Variants in NTM observed in about 807,000 individuals in gnomAD.
The protein encoded by NTM is IgLON family member 2.
NTM carries 13 observed loss-of-function variants against 42.1 expected under a neutral mutation model. The ratio of observed to expected loss-of-function variants is 0.31; its 90% CI spans 0.20 to 0.49. The LOEUF is 0.49. Among genes scored for constraint, NTM ranks in the 20% least tolerant of loss-of-function variants. The pLI, the probability that NTM is intolerant of heterozygous loss-of-function variation, is 0.99. For synonymous variants in NTM, 187 were observed against 179.2 expected (o/e 1.04, Z -0.35); for missense variants, 373 against 452.8 (o/e 0.82, Z 1.60).
intron 1 of NTM, among the ~76,000 whole-genome samples, chr11:131,733,057 A>G (rs1258717024): frequency 6.6e-6 from 1 of 152,198 alleles, no homozygotes; most frequent in Non-Finnish European, 1.5e-5. Context: ...GATCATTAAG[A>G]TAATTTCAGA....
chr11:132,200,267 C>T (rs938313301), intron 3 of NTM, among the ~76,000 whole-genome samples: 1 of 152,164 alleles, frequency 6.6e-6, no homozygotes, highest in African/African-American at 2.4e-5. Context: ...ATGTGTCTTC[C>T]TCGCAGCTGC....
At chr11:131,794,985 T>A in intron 1 of NTM, 1 of 985,340 alleles carries the variant, frequency 1.0e-6, no homozygotes, top group Non-Finnish European at 1.2e-6. Flanking sequence ...AGGGGCAGCC[T>A]TGGGCAGGCT....
intron 2 of NTM, among the ~76,000 whole-genome samples, chr11:132,058,730 G>T (rs560552727): frequency 6.6e-6 from 1 of 152,288 alleles, no homozygotes; most frequent in African/African-American, 2.4e-5. Context: ...TGCCTTCTTC[G>T]CTGAGTCTGA....
Position 132,146,946 on chromosome 11 carries a change from C to T in NTM, c.400+432C>T, listed in dbSNP as rs1262078399. On this transcript the variant is annotated intron_variant, in intron 3 of 8. Coordinates refer to ENST00000683400, the MANE Select transcript of NTM (RefSeq NM_001352005.2). This position sits in a 1 kb window ranked among gnomAD's most constrained non-coding sequence, Gnocchi z 4.5. ...TGCCATGTCCCCCTCCAGCCTTGAACGAAAGCAGAGCCAACCAGGATGCAC... is the reference window on the plus strand; with the variant it reads ...TGCCATGTCCCCCTCCAGCCTTGAATGAAAGCAGAGCCAACCAGGATGCAC... The T allele has an allele frequency of 3.3e-5, 6 of 181,436 alleles. No homozygotes were observed. The highest frequency in any genetic ancestry group is 1.7e-4 in the East Asian group (1 of 6,014). The allele number at this position is 181,436 out of a possible 1,614,324, so 11.2% of individuals were successfully genotyped here.
At chr11:131,494,297 A>G (rs1258159608) in intron 1 of NTM, among the ~76,000 whole-genome samples, 3 of 152,122 alleles carry the variant, frequency 2.0e-5, no homozygotes, top group African/African-American at 7.2e-5. Flanking sequence ...CCCAGGAGCT[A>G]TGATCAGGTT....
chr11:132,289,011 C>A (rs2094356939), intron 4 of NTM, among the ~76,000 whole-genome samples: 1 of 152,198 alleles, frequency 6.6e-6, no homozygotes, highest in Non-Finnish European at 1.5e-5. Flanking sequence ...ACCTAAAACT[C>A]AGTCCTAGTT....
At chr11:131,465,321 T>C (rs1473362617) in intron 1 of NTM, among the ~76,000 whole-genome samples, 1 of 152,166 alleles carries the variant, frequency 6.6e-6, no homozygotes, top group Non-Finnish European at 1.5e-5. Flanking sequence ...ACACGTACCA[T>C]AGCCCATTGC....
intron 1 of NTM, among the ~76,000 whole-genome samples, chr11:131,561,776 T>G (rs1389738529): frequency 1.3e-5 from 2 of 152,200 alleles, no homozygotes; most frequent in Non-Finnish European, 2.9e-5. Flanking sequence ...GCCTCATTCC[T>G]TCGGCCTTCA....
At chr11:131,789,786 C>G (rs1380324150) in intron 1 of NTM, among the ~76,000 whole-genome samples, 11 of 110,668 alleles carry the variant, frequency 9.9e-5, no homozygotes, top group Admixed American at 5.0e-4. Context: ...GAAACCCCGT[C>G]TCTACTAAAA....
intron 4 of NTM, among the ~76,000 whole-genome samples, chr11:132,233,837 C>G (rs954339584): frequency 2.0e-5 from 3 of 152,184 alleles, no homozygotes; most frequent in Non-Finnish European, 4.4e-5. Context: ...TTTTTGTTGC[C>G]TTTCCTCAGC....
intron 1 of NTM, among the ~76,000 whole-genome samples, chr11:131,419,660 A>G (rs1947304962): frequency 6.6e-6 from 1 of 152,102 alleles, no homozygotes; most frequent in Admixed American, 6.5e-5. Flanking sequence ...GACAGAAGCC[A>G]CATCATGTAG....
intron 4 of NTM, among the ~76,000 whole-genome samples, chr11:132,273,717 G>T (rs1416723178): frequency 1.3e-5 from 2 of 152,110 alleles, no homozygotes; most frequent in Non-Finnish European, 2.9e-5. Context: ...AACCAGCCTG[G>T]CCAACATGGT....
intron 1 of NTM, among the ~76,000 whole-genome samples, chr11:131,565,813 C>T (rs1253793401): frequency 6.6e-6 from 1 of 152,150 alleles, no homozygotes; most frequent in East Asian, 1.9e-4. Context: ...CATCTAGAGC[C>T]CCCATGTCCT....
chr11:131,702,440 G>T (rs2135189901), intron 1 of NTM, among the ~76,000 whole-genome samples: 1 of 152,232 alleles, frequency 6.6e-6, no homozygotes, highest in South Asian at 2.1e-4. Flanking sequence ...ATAACATACA[G>T]ATTTGGAGAG....
At chr11:131,651,202 C>G (rs1402751702) in intron 1 of NTM, among the ~76,000 whole-genome samples, 1 of 152,210 alleles carries the variant, frequency 6.6e-6, no homozygotes, top group Non-Finnish European at 1.5e-5. Flanking sequence ...TTGACAGATA[C>G]TGTGTAGGTG....
chr11:132,136,187 C>T (rs1299588986), intron 2 of NTM, among the ~76,000 whole-genome samples: 2 of 152,140 alleles, frequency 1.3e-5, no homozygotes, highest in African/African-American at 4.8e-5. Context: ...TGGTCCTGCT[C>T]TCCTGTCCCA....
rs907335185 is a variant in NTM at position 131,787,363 on chromosome 11, T to TATA, written c.83-124199_83-124198insAAT. ...TATTAACATAATACAAGATTATTAT[T>TATA]ATTATTATTATTATTATTTTATTTT... On this transcript the variant is annotated intron_variant, in intron 1 of 8. Coordinates refer to ENST00000683400, the MANE Select transcript of NTM (RefSeq NM_001352005.2). 4.9e-4 allele frequency among the ~76,000 whole-genome samples: 72 copies of TATA among 147,564 alleles called. 1 individual carries two copies. The highest frequency in any genetic ancestry group is 1.4e-3 in the Admixed American group (21 of 14,764).
chr11:131,930,001 A>G (rs934926830), intron 2 of NTM, among the ~76,000 whole-genome samples: 2 of 152,226 alleles, frequency 1.3e-5, no homozygotes, highest in South Asian at 2.1e-4. Flanking sequence ...AAAAAAGTAT[A>G]TAATTACTGT....
At chr11:131,473,256 G>T (rs928014379) in intron 1 of NTM, among the ~76,000 whole-genome samples, 2 of 152,096 alleles carry the variant, frequency 1.3e-5, no homozygotes, top group African/African-American at 4.8e-5. Flanking sequence ...CCCAAGGCAG[G>T]CAGGGGTACC....
Sources: allele counts gnomAD v4.1 joint callset (sites outside exome capture counted in the v4.1 genomes callset), GRCh38; gene constraint gnomAD v4.1.1; non-coding constraint Gnocchi (gnomAD v3.1); transcripts MANE v1.5; gene names NCBI Gene and HGNC (gene_info 2026-07-23, HGNC 2026-07-21).